TRPM3: variants seen among roughly 807,000 people sequenced by gnomAD.
TRPM3 encodes transient receptor potential cation channel subfamily M member 3, also known as long transient receptor potential channel 3.
In TRPM3, 77 loss-of-function variants were observed where a neutral mutation model predicts 181.2. The ratio of observed to expected loss-of-function variants is 0.42; its 90% CI spans 0.35 to 0.51. The LOEUF is 0.51. Ranked by LOEUF, TRPM3 falls within the 20% of genes least tolerant of loss-of-function variation. The pLI is 0.01. For missense variants in TRPM3, 1,759 were observed against 2,196.7 expected (o/e 0.80, Z 3.98); for synonymous variants, 745 against 796.4 (o/e 0.94, Z 1.09).
In TRPM3 at chr9:70,547,535, CAAAA is replaced by C. The variant is rs58051483; in HGVS notation, c.3707+2003_3707+2006del. On this transcript the variant is annotated intron_variant, in intron 25 of 25. Transcript: ENST00000677713. ...ATTATCTTTGGTTCACTTACAAATG[CAAAA>C]AAAAAAAAAAAAAACCCAACAACAA... Among the ~76,000 whole-genome samples, 1,068 of 119,306 alleles carry C rather than the reference CAAAA, an allele frequency of 9.0e-3. 1 individual carries two copies. Among genetic ancestry groups the C allele is most frequent in the Non-Finnish European group, 0.015 (812 of 55,294 alleles). 78.3% of individuals were successfully genotyped at this position (119,306 alleles called of 152,430 possible).
At position 70,630,511 on chromosome 9, in the gene TRPM3, G is replaced by C. The variant is rs1203578294; in HGVS notation, c.1632+4700C>G. Among the ~76,000 whole-genome samples, 4 of 152,318 alleles carry C rather than the reference G, an allele frequency of 2.6e-5. No individual in the cohort carries two copies. In the East Asian group the frequency reaches 7.7e-4, roughly 29 times the overall value. ...AGCTCCTCTGGAAAAAGCAGAGAAG[G>C]TGAGCAGTACCTCACATGCCAACAG... On this transcript the variant is annotated intron_variant, in intron 12 of 25. Transcript: ENST00000677713.
At chr9:71,134,211 T>G (rs897506622) in intron 1 of TRPM3, among the ~76,000 whole-genome samples, 1 of 152,160 alleles carries the variant, frequency 6.6e-6, no homozygotes, top group South Asian at 2.1e-4. Context: ...TTCGGTTCCA[T>G]AATATAATCC....
intron 18 of TRPM3, among the ~76,000 whole-genome samples, chr9:70,612,384 G>A (rs2062125553): frequency 1.3e-5 from 2 of 152,194 alleles, no homozygotes; most frequent in South Asian, 4.1e-4. Flanking sequence ...GCTTAAAGTT[G>A]AGAGAGCTCA....
rs748791763 is a variant in TRPM3 at position 70,619,101 on chromosome 9, A to G, written c.2130-6T>C. The G allele has an allele frequency of 6.8e-6, 11 of 1,611,050 alleles. No individual in the cohort carries two copies. Among genetic ancestry groups the G allele is most frequent in the Non-Finnish European group, 9.3e-6 (11 of 1,178,488 alleles). On this transcript the variant is annotated splice_region_variant and splice_polypyrimidine_tract_variant and intron_variant, in intron 16 of 25. Transcript: ENST00000677713. The stretch of plus-strand genomic sequence containing the variant: ...CAGCCAGCTGGCCAAAGTCTCTGAA[A>G]GACAGAATGGGTGGAAGAGTCCTTC...
At chr9:71,128,746 A>G (rs777728808) in intron 1 of TRPM3, among the ~76,000 whole-genome samples, 1 of 152,214 alleles carries the variant, frequency 6.6e-6, no homozygotes, top group Admixed American at 6.5e-5. Flanking sequence ...TGAATCTCCA[A>G]TTACTGCTTG....
chr9:71,134,594 T>C (rs954291767), intron 1 of TRPM3, among the ~76,000 whole-genome samples: 1 of 150,108 alleles, frequency 6.7e-6, no homozygotes, highest in South Asian at 2.1e-4. Context: ...CTCACAAACA[T>C]TATCTCCATA....
At chr9:70,796,435 T>C (rs2131120369) in intron 6 of TRPM3, among the ~76,000 whole-genome samples, 1 of 152,332 alleles carries the variant, frequency 6.6e-6, no homozygotes, top group Middle Eastern at 3.4e-3. Context: ...CTTCTACCTG[T>C]CCCAAATGCA....
At chr9:70,913,819 C>A (rs937204170) in intron 1 of TRPM3, among the ~76,000 whole-genome samples, 1 of 152,092 alleles carries the variant, frequency 6.6e-6, no homozygotes, top group Non-Finnish European at 1.5e-5. Flanking sequence ...GTCCATTAGT[C>A]TTGAAAACAT....
At chr9:71,180,285 C>A (rs1414150707) in intron 1 of TRPM3, among the ~76,000 whole-genome samples, 6 of 152,002 alleles carry the variant, frequency 3.9e-5, no homozygotes, top group Admixed American at 3.9e-4. Flanking sequence ...AAACTCCTGA[C>A]CTCAGGTGAT....
At chr9:70,984,246 C>G (rs1005931584) in intron 1 of TRPM3, among the ~76,000 whole-genome samples, 1 of 152,170 alleles carries the variant, frequency 6.6e-6, no homozygotes, top group African/African-American at 2.4e-5. Context: ...ACAGCCACTA[C>G]CCCTACTTGT....
chr9:71,383,259 C>A (rs777485745), intron 1 of TRPM3, among the ~76,000 whole-genome samples: 2 of 152,018 alleles, frequency 1.3e-5, no homozygotes, highest in African/African-American at 4.8e-5. Context: ...ATTTTCTTGA[C>A]GCGTTGAAAT....
At chr9:71,007,587 T>G (rs1397864689) in intron 1 of TRPM3, among the ~76,000 whole-genome samples, 1 of 152,086 alleles carries the variant, frequency 6.6e-6, no homozygotes, top group East Asian at 1.9e-4. Context: ...GTGTTCAAAT[T>G]TATGGATATA....
intron 1 of TRPM3, among the ~76,000 whole-genome samples, chr9:70,899,045 AGTGCC>A (rs749911257): frequency 3.9e-5 from 6 of 152,240 alleles, no homozygotes; most frequent in Non-Finnish European, 8.8e-5. Context: ...AGCCAAGGCC[AGTGCC>A]TGCATAAAGT....
chr9:70,817,680 C>G (rs568356988), intron 6 of TRPM3, among the ~76,000 whole-genome samples: 2 of 152,228 alleles, frequency 1.3e-5, no homozygotes, highest in Admixed American at 1.3e-4. Flanking sequence ...AAATGGAAAA[C>G]TCCCCAGAAG....
intron 1 of TRPM3, among the ~76,000 whole-genome samples, chr9:71,258,384 G>A (rs1354337621): frequency 6.6e-6 from 1 of 152,190 alleles, no homozygotes. Context: ...TTGTTCAGCA[G>A]TGAGCCTTCA....
intron 1 of TRPM3, among the ~76,000 whole-genome samples, chr9:71,111,044 A>G (rs1432378939): frequency 6.6e-6 from 1 of 152,200 alleles, no homozygotes; most frequent in Non-Finnish European, 1.5e-5. Context: ...ATAACCATCA[A>G]TCAAACTGAA....
At chr9:71,304,909 T>C (rs983383476) in intron 1 of TRPM3, among the ~76,000 whole-genome samples, 7 of 152,262 alleles carry the variant, frequency 4.6e-5, no homozygotes, top group African/African-American at 1.4e-4. Context: ...TCCAAGAGCT[T>C]CTGAGACACC....
intron 1 of TRPM3, among the ~76,000 whole-genome samples, chr9:70,872,152 T>C (rs1487253728): frequency 2.0e-5 from 3 of 152,002 alleles, no homozygotes; most frequent in East Asian, 3.9e-4. Context: ...TTGAGGGCGA[T>C]ACAGTCTCTG....
intron 1 of TRPM3, among the ~76,000 whole-genome samples, chr9:71,129,489 G>A (rs7044538): frequency 6.4e-4 from 98 of 152,234 alleles, no homozygotes; most frequent in African/African-American, 2.2e-3. Flanking sequence ...TAAGCACGTA[G>A]CTCATTTAGT....
Sources: allele counts gnomAD v4.1 joint callset (sites outside exome capture counted in the v4.1 genomes callset), GRCh38; gene constraint gnomAD v4.1.1; transcripts MANE v1.5; gene names NCBI Gene and HGNC (gene_info 2026-07-23, HGNC 2026-07-21).